ASPH: variants seen among roughly 807,000 people sequenced by gnomAD.
The protein encoded by ASPH is aspartate beta-hydroxylase.
In ASPH, 100 loss-of-function variants were observed where a neutral mutation model predicts 118.4. That is an observed-to-expected ratio of 0.84 (90% CI 0.72 to 1.00). The LOEUF is 1.00. Among genes scored for constraint, ASPH ranks in the 50% least tolerant of loss-of-function variants. ASPH has a pLI of 0.00. For synonymous variants in ASPH, 315 were observed against 325.6 expected (o/e 0.97, Z 0.35); for missense variants, 920 against 919.5 (o/e 1.00, Z -0.01).
At chr8:61,612,182 T>C (rs539527336) in intron 14 of ASPH, among the ~76,000 whole-genome samples, 32 of 151,972 alleles carry the variant, frequency 2.1e-4, no homozygotes, top group Non-Finnish European at 4.3e-4. Flanking sequence ...GGAATCTTAA[T>C]AGTGAAATGG....
At chr8:61,618,785 T>C (rs1228259869) in intron 14 of ASPH, among the ~76,000 whole-genome samples, 193 bp downstream of exon 14, 2 of 152,226 alleles carry the variant, frequency 1.3e-5, no homozygotes, top group Non-Finnish European at 2.9e-5. Flanking sequence ...GGGCAACCTC[T>C]TTCTGTGCTT....
rs1322483666 is a variant in ASPH at position 61,714,311 on chromosome 8, C to T, written c.61G>A (p.Gly21Ser). Reference protein sequence around the residue: ...GNSSSSGSGSGSTSAGSSSPG... With the variant: ...GNSSSSGSGSSSTSAGSSSPG... ...CTGCTGCTGCCCGCACTCGTGCTAC[C>T]GCTGCCGGAGCCGCTGCTGCTGCTG... Residue 21 changes from glycine to serine, a missense_variant, in exon 1 of 25, where the codon GGT (glycine) becomes AGT (serine). By Grantham distance (56) the Gly-to-Ser change is moderately conservative. Coordinates refer to ENST00000379454, the MANE Select transcript of ASPH (RefSeq NM_004318.4). 3 of 1,522,638 alleles carry T rather than the reference C, an allele frequency of 2.0e-6. No individual in the cohort carries two copies. The highest frequency in any genetic ancestry group is 2.0e-4 in the Middle Eastern group (1 of 4,890). 94.3% of individuals were successfully genotyped at this position (1,522,638 alleles called of 1,614,324 possible).
At chr8:61,599,810 T>C (rs1843455638) in intron 14 of ASPH, among the ~76,000 whole-genome samples, 1 of 152,102 alleles carries the variant, frequency 6.6e-6, no homozygotes, top group Non-Finnish European at 1.5e-5. Context: ...CCACATAGCA[T>C]TACTGTTGAA....
At chr8:61,642,090 G>A (rs749004972) in intron 10 of ASPH, among the ~76,000 whole-genome samples, 8 of 152,174 alleles carry the variant, frequency 5.3e-5, no homozygotes, top group Non-Finnish European at 7.4e-5. Flanking sequence ...GGACACAAGA[G>A]GAGGGAGGTA....
In ASPH at chr8:61,583,978, G is replaced by C; in HGVS notation, c.1028C>G (p.Ala343Gly). 1 of 1,583,662 alleles carries C rather than the reference G, an allele frequency of 6.3e-7. No individual in the cohort carries two copies. The highest frequency in any genetic ancestry group is 8.6e-7 in the Non-Finnish European group (1 of 1,164,604). ...GAGTTTTTCTGCAGCATCAAGTTCAGCTTTAATAGTCTTATCAAATTTATT... is the reference window on the plus strand; with the variant it reads ...GAGTTTTTCTGCAGCATCAAGTTCACCTTTAATAGTCTTATCAAATTTATT... Reference protein sequence around the residue: ...LLNKFDKTIKAELDAAEKLRK... With the variant: ...LLNKFDKTIKGELDAAEKLRK... The change falls in exon 15 of 25, where the codon GCT becomes GGT. Residue 343 changes from alanine to glycine, a missense_variant. Physicochemically the swap from Ala to Gly is moderately conservative, Grantham distance 60. Transcript: ENST00000379454.
chr8:61,609,908 C>A (rs1846792154), intron 14 of ASPH, among the ~76,000 whole-genome samples: 1 of 152,136 alleles, frequency 6.6e-6, no homozygotes, highest in Admixed American at 6.5e-5. Flanking sequence ...TTTTTGAAAG[C>A]TTAATTTTAA....
chr8:61,617,358 T>A (rs1288176377), intron 14 of ASPH, among the ~76,000 whole-genome samples: 2 of 151,288 alleles, frequency 1.3e-5, no homozygotes, highest in Non-Finnish European at 2.9e-5. Flanking sequence ...GTGAAGGGAG[T>A]GTTTGAAGGA....
At chr8:61,704,173 C>T (rs1263798571) in intron 1 of ASPH, among the ~76,000 whole-genome samples, 5 of 116,304 alleles carry the variant, frequency 4.3e-5, no homozygotes, top group East Asian at 2.7e-4. Context: ...CCAGCCTGGG[C>T]GACAGAGCGA....
intron 21 of ASPH, among the ~76,000 whole-genome samples, chr8:61,547,475 T>C (rs895807950): frequency 2.6e-5 from 4 of 152,322 alleles, no homozygotes; most frequent in Middle Eastern, 3.4e-3. Context: ...AGATATTATG[T>C]GCTCTTTTCA....
intron 14 of ASPH, among the ~76,000 whole-genome samples, chr8:61,591,922 G>C (rs2133026382): frequency 6.6e-6 from 1 of 152,334 alleles, no homozygotes; most frequent in Non-Finnish European, 1.5e-5. Flanking sequence ...TGTAAAGGAA[G>C]TAGCTGAACT....
intron 7 of ASPH, 117 bp downstream of exon 7, chr8:61,644,483 C>T (rs1806844429): frequency 4.6e-6 from 3 of 654,356 alleles, no homozygotes; most frequent in South Asian, 5.1e-5. Context: ...TTATTAATTG[C>T]ATATCTTGCA....
chr8:61,647,408 C>T (rs1489769228), intron 5 of ASPH, among the ~76,000 whole-genome samples: 8 of 152,176 alleles, frequency 5.3e-5, no homozygotes, highest in Admixed American at 1.3e-4. Context: ...TGGCAGCTCA[C>T]GCCTATAATC....
intron 14 of ASPH, among the ~76,000 whole-genome samples, chr8:61,585,980 C>T (rs1176499248): frequency 6.6e-6 from 1 of 152,180 alleles, no homozygotes; most frequent in African/African-American, 2.4e-5. Flanking sequence ...AGTAAGTGCT[C>T]AGTACCTGAG....
At chr8:61,610,260 A>C (rs1449156180) in intron 14 of ASPH, among the ~76,000 whole-genome samples, 1 of 152,186 alleles carries the variant, frequency 6.6e-6, no homozygotes, top group Non-Finnish European at 1.5e-5. Flanking sequence ...CTGAAGATGC[A>C]CTCTGGTGAA....
intron 18 of ASPH, among the ~76,000 whole-genome samples, chr8:61,558,670 C>T (rs1320864711): frequency 6.6e-6 from 1 of 152,170 alleles, no homozygotes; most frequent in Non-Finnish European, 1.5e-5. Context: ...TGCTGCCCTC[C>T]CTGCTTGCTT....
chr8:61,637,994 G>C lies in ASPH; in HGVS notation c.842C>G (p.Ala281Gly). Residue 281 changes from alanine (A) to glycine (G), a missense_variant, in exon 12 of 25, where the codon GCT becomes GGT. Transcript: ENST00000379454. Reference sequence around the variant, plus strand: ...TTCTACAGGATTATCCTCAGGGGGAGCAGTTACTTCTAAAATAAAGAATAA... The same window carrying C: ...TTCTACAGGATTATCCTCAGGGGGACCAGTTACTTCTAAAATAAAGAATAA... ...NEGIEITEVTAPPEDNPVEDS... is the reference protein window; with the variant it reads ...NEGIEITEVTGPPEDNPVEDS... The C allele has an allele frequency of 6.2e-7, 1 of 1,607,950 alleles. No individual in the cohort carries two copies. The highest frequency in any genetic ancestry group is 8.5e-7 in the Non-Finnish European group (1 of 1,177,710).
intron 13 of ASPH, among the ~76,000 whole-genome samples, chr8:61,630,177 CTTAGTA>C (rs530275796): frequency 1.0e-3 from 154 of 152,160 alleles, no homozygotes; most frequent in Middle Eastern, 3.4e-3. Context: ...GACTGTATAA[CTTAGTA>C]TTAGGATAAT....
intron 21 of ASPH, among the ~76,000 whole-genome samples, chr8:61,532,335 A>T (rs1817893388): frequency 1.3e-5 from 2 of 152,170 alleles, no homozygotes; most frequent in African/African-American, 4.8e-5. Context: ...AGGTCTTTGA[A>T]AAAATGTCTA....
intron 13 of ASPH, among the ~76,000 whole-genome samples, chr8:61,628,060 C>G (rs1037342704): frequency 6.6e-6 from 1 of 152,088 alleles, no homozygotes; most frequent in Non-Finnish European, 1.5e-5. Flanking sequence ...TCTTACTAGT[C>G]TCTACCTCCT....
Sources: gnomAD v4.1 joint callset for allele counts (sites outside exome capture counted in the v4.1 genomes callset) on GRCh38, gnomAD v4.1.1 for gene constraint, MANE v1.5 for transcripts, NCBI Gene and HGNC (gene_info 2026-07-23, HGNC 2026-07-21) for gene names.